TMTC2: variants seen among roughly 807,000 people sequenced by gnomAD.
TMTC2 encodes the protein transmembrane O-mannosyltransferase targeting cadherins 2, also known as protein O-mannosyl-transferase TMTC2.
TMTC2 carries 43 observed loss-of-function variants against 82.4 expected under a neutral mutation model. The ratio of observed to expected loss-of-function variants is 0.52; its 90% CI spans 0.41 to 0.67. The LOEUF (loss-of-function observed/expected upper bound fraction) is 0.67, where lower values mean the gene tolerates loss of function less well. Ranked by LOEUF, TMTC2 falls within the 30% of genes least tolerant of loss-of-function variation. The probability of loss-of-function intolerance (pLI) is 0.00; values close to 1 mark genes in which losing one functional copy is unlikely to be tolerated. For missense variants in TMTC2, 919 were observed against 1,012.4 expected (o/e 0.91, Z 1.25); for synonymous variants, 408 against 381.9 (o/e 1.07, Z -0.80).
chr12:82,890,008 A>G (rs74106166), intron 2 of TMTC2, among the ~76,000 whole-genome samples: 3,381 of 152,256 alleles, frequency 0.022, 124 homozygotes, highest in African/African-American at 0.077. Flanking sequence ...GATACAAACT[A>G]TTAATTTTAT....
intron 1 of TMTC2, among the ~76,000 whole-genome samples, chr12:82,708,047 G>C (rs917309321): frequency 3.9e-5 from 6 of 152,156 alleles, no homozygotes; most frequent in Non-Finnish European, 8.8e-5. Flanking sequence ...CCACCCTGCA[G>C]TCTGTTTTTT....
chr12:83,106,649 G>C (rs1286446305), intron 11 of TMTC2, among the ~76,000 whole-genome samples: 1 of 152,116 alleles, frequency 6.6e-6, no homozygotes. Context: ...AAACCAGCCA[G>C]AGAGAAAAGA....
chr12:82,729,195 TGGG>T (rs1874630637), intron 1 of TMTC2, among the ~76,000 whole-genome samples: 1 of 152,180 alleles, frequency 6.6e-6, no homozygotes, highest in Non-Finnish European at 1.5e-5. Flanking sequence ...CTGAGTGTGG[TGGG>T]GGCTTGGAGA....
At chr12:82,701,628 G>T (rs981179261) in intron 1 of TMTC2, among the ~76,000 whole-genome samples, 1 of 150,420 alleles carries the variant, frequency 6.6e-6, no homozygotes, top group Non-Finnish European at 1.5e-5. Flanking sequence ...GGGTGTGGAG[G>T]TGCAAGCCTG....
intron 2 of TMTC2, among the ~76,000 whole-genome samples, chr12:82,892,253 ATGTT>A (rs1404892538): frequency 1.3e-5 from 2 of 152,130 alleles, no homozygotes; most frequent in Non-Finnish European, 2.9e-5. Context: ...ACATAAATTA[ATGTT>A]TGTTAGCATT....
chr12:82,748,791 C>T (rs1356843594), intron 1 of TMTC2, among the ~76,000 whole-genome samples: 2 of 152,082 alleles, frequency 1.3e-5, no homozygotes, highest in African/African-American at 4.8e-5. Flanking sequence ...GCAGGAGAAT[C>T]GCTTGAACCT....
intron 1 of TMTC2, among the ~76,000 whole-genome samples, chr12:82,689,033 C>G (rs187849859): frequency 2.0e-5 from 3 of 152,324 alleles, no homozygotes; most frequent in African/African-American, 7.2e-5. Context: ...GTTAGACATA[C>G]ATTTTTTCTT....
At chr12:82,721,326 C>T (rs1052856064) in intron 1 of TMTC2, among the ~76,000 whole-genome samples, 3 of 152,120 alleles carry the variant, frequency 2.0e-5, no homozygotes, top group African/African-American at 7.2e-5. Flanking sequence ...TGCAGTTTTC[C>T]TATGGACCAG....
At chr12:82,778,082 A>G (rs984927124) in intron 1 of TMTC2, among the ~76,000 whole-genome samples, 1 of 152,096 alleles carries the variant, frequency 6.6e-6, no homozygotes, top group African/African-American at 2.4e-5. Context: ...GTAAAATACT[A>G]TGTAAATATT....
chr12:83,021,582 G>A (rs1048852895), intron 8 of TMTC2, among the ~76,000 whole-genome samples: 5 of 138,312 alleles, frequency 3.6e-5, no homozygotes, highest in African/African-American at 1.0e-4. Context: ...GCAACAGAGT[G>A]AGACCCCATC....
intron 3 of TMTC2, among the ~76,000 whole-genome samples, chr12:82,915,271 A>G (rs192724557): frequency 2.6e-5 from 4 of 152,306 alleles, no homozygotes; most frequent in Non-Finnish European, 5.9e-5. Context: ...TAGTGTTATC[A>G]TCTATAGAGT....
intron 2 of TMTC2, among the ~76,000 whole-genome samples, chr12:82,866,181 T>C (rs1204156337): frequency 1.9e-5 from 2 of 106,960 alleles, no homozygotes; most frequent in South Asian, 3.4e-4. Flanking sequence ...CTGAAGGAGA[T>C]AGAGACACAA....
chr12:82,822,805 T>C (rs1342858742), intron 1 of TMTC2, among the ~76,000 whole-genome samples: 2 of 152,202 alleles, frequency 1.3e-5, no homozygotes, highest in Non-Finnish European at 2.9e-5. Context: ...CTTGCTCTGG[T>C]GTAGTCATTT....
chr12:82,895,318 C>A (rs1446751928), intron 2 of TMTC2, among the ~76,000 whole-genome samples: 1 of 152,076 alleles, frequency 6.6e-6, no homozygotes, highest in Non-Finnish European at 1.5e-5. Context: ...TGCCTTTACT[C>A]CATTAGAGAC....
chr12:83,128,713 A>G (rs970563263), intron 11 of TMTC2, among the ~76,000 whole-genome samples: 2 of 152,174 alleles, frequency 1.3e-5, no homozygotes, highest in Non-Finnish European at 2.9e-5. Context: ...TCAAGCTGCC[A>G]GGGGATGCTG....
At chr12:82,699,618 A>G (rs1384268389) in intron 1 of TMTC2, among the ~76,000 whole-genome samples, 1 of 152,204 alleles carries the variant, frequency 6.6e-6, no homozygotes, top group Non-Finnish European at 1.5e-5. Flanking sequence ...TGTGTCAATC[A>G]GTTTTGTATA....
intron 3 of TMTC2, among the ~76,000 whole-genome samples, chr12:82,917,822 T>C: frequency 6.6e-6 from 1 of 152,146 alleles, no homozygotes; most frequent in Non-Finnish European, 1.5e-5. Context: ...CAGGATGGTC[T>C]TGATCTCCTG....
chr12:83,094,184 T>C (rs1883943689), intron 11 of TMTC2, among the ~76,000 whole-genome samples: 1 of 152,190 alleles, frequency 6.6e-6, no homozygotes, highest in African/African-American at 2.4e-5. Context: ...GCGTATGCCC[T>C]GGGGGCACCA....
intron 1 of TMTC2, among the ~76,000 whole-genome samples, chr12:82,848,183 T>C (rs1870793258): frequency 6.6e-6 from 1 of 152,100 alleles, no homozygotes; most frequent in African/African-American, 2.4e-5. Flanking sequence ...TGCCAGTTAT[T>C]CCTGCTGCTC....
Sources: allele counts gnomAD v4.1 joint callset (sites outside exome capture counted in the v4.1 genomes callset), GRCh38; gene constraint gnomAD v4.1.1; transcripts MANE v1.5; gene names NCBI Gene and HGNC (gene_info 2026-07-23, HGNC 2026-07-21).